The following CDH12 variants were observed in gnomAD, a reference collection of about 807,000 sequenced individuals.
The protein encoded by CDH12 is cadherin-12.
CDH12 carries 41 observed loss-of-function variants against 74.1 expected under a neutral mutation model. That is an observed-to-expected ratio of 0.55 (90% confidence interval 0.43 to 0.72). The LOEUF (loss-of-function observed/expected upper bound fraction) is 0.72. Ranked by LOEUF, CDH12 falls within the 30% of genes least tolerant of loss-of-function variation. The pLI, the probability that CDH12 is intolerant of heterozygous loss-of-function variation, is 0.00. For synonymous variants in CDH12, 399 were observed against 355.0 expected, an observed-to-expected ratio of 1.12 and a Z score of -1.39; for missense variants, 945 against 977.2, an observed-to-expected ratio of 0.97 and a Z score of 0.44.
intron 3 of CDH12, among the ~76,000 whole-genome samples, chr5:22,398,719 T>C (rs1742576296): frequency 6.6e-6 from 1 of 152,180 alleles, no homozygotes; most frequent in African/African-American, 2.4e-5. Context: ...TATGAGAGCC[T>C]TTCTATTATC....
intron 8 of CDH12, among the ~76,000 whole-genome samples, chr5:21,818,356 T>A (rs949073344): frequency 1.3e-5 from 2 of 151,998 alleles, no homozygotes; most frequent in African/African-American, 4.8e-5. Flanking sequence ...ATATTACAGT[T>A]ATTTTCTCCA....
chr5:22,796,010 G>C (rs2963422), intron 1 of CDH12, among the ~76,000 whole-genome samples: 2,698 of 152,136 alleles, frequency 0.018, 84 homozygotes, highest in African/African-American at 0.061. Context: ...TGTCCATGTT[G>C]TAAAAAATTA....
chr5:22,693,435 G>T (rs1319424174), intron 1 of CDH12, among the ~76,000 whole-genome samples: 1 of 151,990 alleles, frequency 6.6e-6, no homozygotes, highest in East Asian at 1.9e-4. Context: ...GACCAATAAA[G>T]GAGGAAGTAA....
rs201845270 is a variant in CDH12, at chr5:21,940,858, T to A, written c.526+34233A>T. ...CTCTCTGTTTCTCTCTCTCTCTCTCTCACACACACACACACAGTCCTTTAC... is the reference window on the plus strand; with the variant it reads ...CTCTCTGTTTCTCTCTCTCTCTCTCACACACACACACACACAGTCCTTTAC... On this transcript the variant is annotated intron_variant, in intron 6 of 14. Transcript: ENST00000382254. Among the ~76,000 whole-genome samples the A allele has an allele frequency of 6.6e-4, 100 of 150,638 alleles. No homozygotes were observed. In the Middle Eastern group the frequency reaches 0.014, roughly 21 times the overall value.
At chr5:22,779,654 C>A (rs574738916) in intron 1 of CDH12, among the ~76,000 whole-genome samples, 5 of 152,204 alleles carry the variant, frequency 3.3e-5, no homozygotes, top group African/African-American at 1.2e-4. Context: ...TGAGTGAGTT[C>A]TCATGAGATC....
chr5:21,776,217 T>C (rs868722608), intron 11 of CDH12, among the ~76,000 whole-genome samples: 4 of 152,186 alleles, frequency 2.6e-5, no homozygotes, highest in Non-Finnish European at 5.9e-5. Flanking sequence ...TGTGGAATAG[T>C]TGCTCGTCCA....
chr5:21,967,623 C>G (rs1033306679), intron 6 of CDH12, among the ~76,000 whole-genome samples: 1 of 152,172 alleles, frequency 6.6e-6, no homozygotes, highest in African/African-American at 2.4e-5. Context: ...GCTAAAGTAA[C>G]TATCAGTACA....
chr5:21,935,950 A>C (rs1755056304), intron 6 of CDH12, among the ~76,000 whole-genome samples: 1 of 152,120 alleles, frequency 6.6e-6, no homozygotes, highest in South Asian at 2.1e-4. Flanking sequence ...GCTGAATGGT[A>C]TTCCATTTTG....
At chr5:21,852,480 G>A (rs888373044) in intron 7 of CDH12, among the ~76,000 whole-genome samples, 34 of 151,274 alleles carry the variant, frequency 2.2e-4, no homozygotes, top group African/African-American at 8.2e-4. Context: ...GGAAGAGTAT[G>A]TTTTTTGGTT....
At chr5:21,771,647 G>T (rs1189167513) in intron 11 of CDH12, among the ~76,000 whole-genome samples, 1 of 151,998 alleles carries the variant, frequency 6.6e-6, no homozygotes, top group Non-Finnish European at 1.5e-5. Context: ...CTAGGTAGAA[G>T]GCTTCAGAGA....
At chr5:22,834,401 A>G (rs1017441417) in intron 1 of CDH12, among the ~76,000 whole-genome samples, 5 of 152,174 alleles carry the variant, frequency 3.3e-5, no homozygotes, top group African/African-American at 1.2e-4. Flanking sequence ...ACCAACAGAA[A>G]GGTTTGCAAG....
At chr5:22,532,436 C>T (rs553605568) in intron 1 of CDH12, among the ~76,000 whole-genome samples, 19 of 137,708 alleles carry the variant, frequency 1.4e-4, no homozygotes, top group Admixed American at 2.9e-4. Flanking sequence ...AAGAAAAATT[C>T]GGCAATATTT....
chr5:21,969,463 A>C (rs1161297644), intron 6 of CDH12, among the ~76,000 whole-genome samples: 1 of 152,100 alleles, frequency 6.6e-6, no homozygotes, highest in Non-Finnish European at 1.5e-5. Flanking sequence ...CTATGGCTTC[A>C]ATCAGAGGGT....
chr5:22,714,552 C>G (rs1580918124), intron 1 of CDH12, among the ~76,000 whole-genome samples: 1 of 152,182 alleles, frequency 6.6e-6, no homozygotes, highest in South Asian at 2.1e-4. Context: ...ATCTTTTATT[C>G]TAGATATGGA....
At chr5:22,457,391 C>G (rs2126576239) in intron 2 of CDH12, among the ~76,000 whole-genome samples, 1 of 147,876 alleles carries the variant, frequency 6.8e-6, no homozygotes, top group South Asian at 2.1e-4. Flanking sequence ...CCTTCTCCTT[C>G]TCCTTCTTCC....
intron 6 of CDH12, among the ~76,000 whole-genome samples, chr5:21,946,665 T>C (rs1755592217): frequency 2.0e-5 from 3 of 152,366 alleles, no homozygotes; most frequent in South Asian, 2.1e-4. Flanking sequence ...ATAGACTGCA[T>C]ATATCATGGT....
chr5:22,478,114 A>AT (rs1746240231), intron 2 of CDH12, among the ~76,000 whole-genome samples: 1 of 152,070 alleles, frequency 6.6e-6, no homozygotes, highest in South Asian at 2.1e-4. Flanking sequence ...TTTATTGTTA[A>AT]TTTTTTTGAA....
chr5:22,408,559 A>T (rs1438550164), intron 2 of CDH12, among the ~76,000 whole-genome samples: 1 of 150,712 alleles, frequency 6.6e-6, no homozygotes, highest in East Asian at 1.9e-4. Context: ...ATATTATATC[A>T]TCTATTTATA....
At chr5:21,946,169 A>T (rs552284346) in intron 6 of CDH12, among the ~76,000 whole-genome samples, 8 of 152,246 alleles carry the variant, frequency 5.3e-5, no homozygotes, top group African/African-American at 1.7e-4. Context: ...CCCAGCAATA[A>T]TATTCTTCAG....
Sources: gnomAD v4.1 joint callset for allele counts (sites outside exome capture counted in the v4.1 genomes callset) on GRCh38, gnomAD v4.1.1 for gene constraint, MANE v1.5 for transcripts, NCBI Gene and HGNC (gene_info 2026-07-23, HGNC 2026-07-21) for gene names.